The following RTN4R variants were observed in gnomAD, a reference collection of about 807,000 sequenced individuals.
RTN4R encodes reticulon 4 receptor.
Under a neutral mutation model 27.7 loss-of-function variants are expected in RTN4R, and 4 were observed. The observed-to-expected ratio is 0.14, with a 90% CI of 0.07 to 0.33. RTN4R has a LOEUF of 0.33. Ranked by LOEUF, RTN4R falls within the 10% of genes least tolerant of loss-of-function variation. The probability of loss-of-function intolerance (pLI) is 1.00; values close to 1 mark genes in which losing one functional copy is unlikely to be tolerated. For missense variants in RTN4R, 554 were observed against 671.5 expected (o/e 0.83, Z 1.93); for synonymous variants, 290 against 305.6 (o/e 0.95, Z 0.53).
chr22:20,265,252 G>A (rs1445636730), intron 1 of RTN4R, among the ~76,000 whole-genome samples: 3 of 152,164 alleles, frequency 2.0e-5, no homozygotes, highest in Admixed American at 6.5e-5. Flanking sequence ...GGGAGAGCAC[G>A]GTCCCACACA....
intron 1 of RTN4R, among the ~76,000 whole-genome samples, chr22:20,265,748 A>C (rs958516782): frequency 2.4e-4 from 36 of 152,206 alleles, no homozygotes; most frequent in Admixed American, 1.1e-3. Context: ...CTGGCAGTGC[A>C]AAGGTCCCAG....
chr22:20,248,430 C>T (rs941715798), intron 1 of RTN4R, among the ~76,000 whole-genome samples: 63 of 152,212 alleles, frequency 4.1e-4, no homozygotes, highest in African/African-American at 1.5e-3. Context: ...TTTCAAGTCA[C>T]AGACACTGAA....
rs1466839267 is a variant in RTN4R, at chr22:20,242,664, G to T, written c.469C>A (p.Gln157Lys). Residue 157 changes from glutamine (Q) to lysine (K), a missense_variant, in exon 2 of 2, where the codon CAG becomes AAG. Coordinates refer to ENST00000043402, the MANE Select transcript of RTN4R (RefSeq NM_023004.6). ...PGLFRGLAALQYLYLQDNALQ... is the reference protein window; with the variant it reads ...PGLFRGLAALKYLYLQDNALQ... Reference sequence around the variant, plus strand: ...GCGTTGTCCTGCAGGTAGAGGTACTGCAGGGCAGCCAGGCCGCGGAACAGC... The same window carrying T: ...GCGTTGTCCTGCAGGTAGAGGTACTTCAGGGCAGCCAGGCCGCGGAACAGC... The T allele has an allele frequency of 3.7e-6, 6 of 1,612,390 alleles. No homozygotes were observed. The highest frequency in any genetic ancestry group is 4.2e-6 in the Non-Finnish European group (5 of 1,179,798).
At chr22:20,263,597 G>A (rs182706986) in intron 1 of RTN4R, among the ~76,000 whole-genome samples, 1 of 152,364 alleles carries the variant, frequency 6.6e-6, no homozygotes, top group Non-Finnish European at 1.5e-5. Context: ...GAGTGAGGCT[G>A]GGTCAGCACC....
intron 1 of RTN4R, among the ~76,000 whole-genome samples, chr22:20,262,115 G>A (rs987591225): frequency 5.3e-5 from 8 of 152,352 alleles, no homozygotes; most frequent in African/African-American, 1.7e-4. Context: ...GGGATGGACC[G>A]GGAGACAGGG....
At chr22:20,249,217 G>A (rs750376479) in intron 1 of RTN4R, 2 of 533,778 alleles carry the variant, frequency 3.7e-6, no homozygotes, top group Non-Finnish European at 7.7e-6. Flanking sequence ...GGACACTAAT[G>A]AGCAAGTGAC....
At chr22:20,243,164 T>C in intron 1 of RTN4R, 54 bp from the exon 2 acceptor site, 3 of 1,560,450 alleles carry the variant, frequency 1.9e-6, no homozygotes, top group Non-Finnish European at 1.7e-6. Flanking sequence ...CTGGAGAAGC[T>C]GGAGGTTTTG....
intron 1 of RTN4R, among the ~76,000 whole-genome samples, chr22:20,259,828 C>T (rs1602649933): frequency 6.6e-6 from 1 of 152,192 alleles, no homozygotes; most frequent in Non-Finnish European, 1.5e-5. Context: ...AGCATGTTTC[C>T]CTGGAATCTG....
chr22:20,241,788 C>T lies in RTN4R; in HGVS notation c.1345G>A (p.Ala449Thr), dbSNP rs1224480770. 1.9e-6 allele frequency: 3 copies of T among 1,561,588 alleles called. No individual in the cohort carries two copies. The highest frequency in any genetic ancestry group is 1.9e-5 in the Admixed American group (1 of 52,404). ...AGGCTGCAGGTGAGGCTGGGTAGGG[C>T]ACCTGAGCCTTCTGAGTCACCAGTC... is the stretch of plus-strand genomic sequence containing the variant. The part of the protein sequence containing the change: ...GGTGDSEGSG[A>T]LPSLTCSLTP... The change falls in exon 2 of 2, where the codon GCC (alanine) becomes ACC (threonine). Residue 449 changes from alanine to threonine, a missense_variant. Physicochemically the swap from Ala to Thr is moderately conservative, Grantham distance 58 (BLOSUM62 0). This residue lies in a region of RTN4R where 141 missense variants were observed against 129.2 expected (regional missense o/e 1.09). Coordinates refer to ENST00000043402, the MANE Select transcript of RTN4R (RefSeq NM_023004.6).
chr22:20,267,193 C>T (rs1358689651), intron 1 of RTN4R, among the ~76,000 whole-genome samples: 1 of 152,260 alleles, frequency 6.6e-6, no homozygotes, highest in Admixed American at 6.5e-5. Flanking sequence ...CGTTGGCTTG[C>T]ATGTGCACCA....
In RTN4R at chr22:20,242,907, T is replaced by C; in HGVS notation, c.226A>G (p.Ser76Gly). The change falls in exon 2 of 2, where the codon AGC becomes GGC. Residue 76 changes from serine to glycine, a missense_variant. Around this residue, in one of 2 missense-constraint regions of RTN4R, gnomAD observed 413 missense variants for 542.3 expected, o/e 0.76. Transcript: ENST00000043402. ...GNRISHVPAA[S>G]FRACRNLTIL... The stretch of plus-strand genomic sequence containing the variant: ...GTGAGGTTGCGGCAGGCACGGAAGC[T>C]GGCAGCTGGCACATGCGAGATGCGG... 1 of 1,611,696 alleles carries C rather than the reference T, an allele frequency of 6.2e-7. No homozygotes were observed. The highest frequency in any genetic ancestry group is 2.2e-5 in the East Asian group (1 of 44,784).
At chr22:20,247,046 G>A (rs530640924) in intron 1 of RTN4R, among the ~76,000 whole-genome samples, 1 of 152,340 alleles carries the variant, frequency 6.6e-6, no homozygotes, top group African/African-American at 2.4e-5. Flanking sequence ...GAAGGCTGGC[G>A]GCCTGGCTAG....
rs1368798135 is a variant in RTN4R, at chr22:20,264,959, G to C, written c.22+3112C>G. Among the ~76,000 whole-genome samples, 3 of 152,200 alleles carry C rather than the reference G, an allele frequency of 2.0e-5. No homozygotes were observed. In the South Asian group the frequency reaches 6.2e-4, roughly 31 times the overall value. ...GGGCGCCTGGCTCACACACGCATTTGTTCATTTCCAGGTCATCCTGAAACT... is the reference window on the plus strand; with the variant it reads ...GGGCGCCTGGCTCACACACGCATTTCTTCATTTCCAGGTCATCCTGAAACT... On this transcript the variant is annotated intron_variant, in intron 1 of 1. Transcript: ENST00000043402.
chr22:20,247,063 G>T (rs550445140), intron 1 of RTN4R, among the ~76,000 whole-genome samples: 1 of 152,206 alleles, frequency 6.6e-6, no homozygotes, highest in Non-Finnish European at 1.5e-5. Context: ...CTAGTAATGG[G>T]GGAGGGTGTG....
chr22:20,250,639 G>T (rs1361713470), intron 1 of RTN4R, among the ~76,000 whole-genome samples: 1 of 152,136 alleles, frequency 6.6e-6, no homozygotes, highest in African/African-American at 2.4e-5. Context: ...AGCATCTCAC[G>T]GAGGCCTAGG....
chr22:20,260,922 C>G (rs1292963818), intron 1 of RTN4R, among the ~76,000 whole-genome samples: 1 of 152,140 alleles, frequency 6.6e-6, no homozygotes, highest in Admixed American at 6.5e-5. Flanking sequence ...CCAGCCTCCC[C>G]TCCGGACTCC....
At chr22:20,243,584 C>T (rs112278543) in intron 1 of RTN4R, 34 of 429,902 alleles carry the variant, frequency 7.9e-5, no homozygotes, top group South Asian at 1.9e-4. Flanking sequence ...CAAAAACGGG[C>T]GCCTGGATGC....
At chr22:20,263,726 C>T (rs2051260969) in intron 1 of RTN4R, among the ~76,000 whole-genome samples, 1 of 152,272 alleles carries the variant, frequency 6.6e-6, no homozygotes, top group Non-Finnish European at 1.5e-5. Context: ...CTCAGCCCCT[C>T]CTAAGGCCAC....
intron 1 of RTN4R, among the ~76,000 whole-genome samples, chr22:20,260,636 G>A (rs778559683): frequency 9.2e-5 from 14 of 152,136 alleles, no homozygotes; most frequent in Non-Finnish European, 1.8e-4. Context: ...GGCCACGCCC[G>A]GGGGCAGGTG....
Sources: allele counts gnomAD v4.1 joint callset (sites outside exome capture counted in the v4.1 genomes callset), GRCh38; gene constraint gnomAD v4.1.1; regional missense constraint gnomAD v4.1.1; transcripts MANE v1.5; gene names NCBI Gene and HGNC (gene_info 2026-07-23, HGNC 2026-07-21).